Variants in BICC1 observed in about 807,000 individuals in gnomAD.
BICC1 encodes the protein BicC family RNA binding protein 1.
BICC1 carries 43 observed loss-of-function variants against 111.0 expected under a neutral mutation model. The observed-to-expected ratio is 0.39, with a 90% CI of 0.30 to 0.50. The LOEUF (loss-of-function observed/expected upper bound fraction) is 0.50. Ranked by LOEUF, BICC1 falls within the 20% of genes least tolerant of loss-of-function variation. The pLI, the probability that BICC1 is intolerant of heterozygous loss-of-function variation, is 0.88. For missense variants in BICC1, 1,091 were observed against 1,203.2 expected (o/e 0.91, Z 1.38); for synonymous variants, 467 against 434.4 (o/e 1.07, Z -0.93).
chr10:58,775,108 C>G (rs570087915), intron 3 of BICC1, among the ~76,000 whole-genome samples: 2 of 152,164 alleles, frequency 1.3e-5, no homozygotes, highest in Non-Finnish European at 2.9e-5. Context: ...TGCGGTGGCT[C>G]ATGCCTGTAA....
intron 1 of BICC1, among the ~76,000 whole-genome samples, chr10:58,590,846 A>T (rs1027781285): frequency 6.6e-6 from 1 of 152,220 alleles, no homozygotes; most frequent in African/African-American, 2.4e-5. Flanking sequence ...AAGATTGTGC[A>T]GAAGTGTAGA....
chr10:58,744,459 CA>C (rs1564588465), intron 3 of BICC1, among the ~76,000 whole-genome samples: 2 of 151,806 alleles, frequency 1.3e-5, no homozygotes, highest in African/African-American at 4.8e-5. Flanking sequence ...TTCATGCATG[CA>C]TTTTAAAACT....
chr10:58,785,075 A>C lies in BICC1; in HGVS notation c.382A>C (p.Thr128Pro). ...GGAAATGATCATGTCTGTCTTAGACACAAAAGTAAGTGAATGTTAAGGACA... is the reference window on the plus strand; with the variant it reads ...GGAAATGATCATGTCTGTCTTAGACCCAAAAGTAAGTGAATGTTAAGGACA... ...AKEMIMSVLD[T>P]KSNRVTLKMD... The change falls in exon 4 of 21, where the codon ACA (threonine) becomes CCA (proline). Residue 128 changes from threonine to proline, a missense_variant. Physicochemically the swap from Thr to Pro is conservative, Grantham distance 38 (BLOSUM62 -1). Around this residue, in one of 3 missense-constraint regions of BICC1, gnomAD observed 843 missense variants for 900.8 expected, o/e 0.94. Coordinates refer to ENST00000373886, the MANE Select transcript of BICC1 (RefSeq NM_001080512.3). 2 of 1,576,048 alleles carry C rather than the reference A, an allele frequency of 1.3e-6. No individual in the cohort carries two copies. The highest frequency in any genetic ancestry group is 1.7e-6 in the Non-Finnish European group (2 of 1,159,078).
chr10:58,725,524 C>T (rs1437838003), intron 3 of BICC1, among the ~76,000 whole-genome samples: 2 of 152,164 alleles, frequency 1.3e-5, no homozygotes, highest in Non-Finnish European at 2.9e-5. Flanking sequence ...AGAGGAGCAA[C>T]GCGGAACTGT....
At position 58,785,073 on chromosome 10, in the gene BICC1, A is replaced by C. The variant is rs1250757131; in HGVS notation, c.380A>C (p.Asp127Ala). The change falls in exon 4 of 21, where the codon GAC becomes GCC. Residue 127 changes from aspartate to alanine, a missense_variant. This residue lies in a region of BICC1 where 843 missense variants were observed against 900.8 expected (regional missense o/e 0.94). Coordinates refer to ENST00000373886, the MANE Select transcript of BICC1 (RefSeq NM_001080512.3). ...EAKEMIMSVL[D>A]TKSNRVTLKM... ...AAGGAAATGATCATGTCTGTCTTAGACACAAAAGTAAGTGAATGTTAAGGA... is the reference window on the plus strand; with the variant it reads ...AAGGAAATGATCATGTCTGTCTTAGCCACAAAAGTAAGTGAATGTTAAGGA... The C allele has an allele frequency of 6.3e-7, 1 of 1,578,680 alleles. No individual in the cohort carries two copies. The highest frequency in any genetic ancestry group is 8.6e-7 in the Non-Finnish European group (1 of 1,160,808).
In BICC1 at chr10:58,798,558, C is replaced by G; in HGVS notation, c.1526C>G (p.Thr509Arg). The G allele has an allele frequency of 1.2e-6, 2 of 1,603,788 alleles. No individual in the cohort carries two copies. Among genetic ancestry groups the G allele is most frequent in the Non-Finnish European group, 1.7e-6 (2 of 1,176,278 alleles). ...CCACTTGCTAATACTTCAAGTGCCA[C>G]AGGTCAGTATCATTTAAGTATATTC... ...APPLANTSSA[T>R]GFSAIPHLMI... is the part of the protein sequence containing the mutation. The change falls in exon 11 of 21, where the codon ACA becomes AGA. Residue 509 changes from threonine (T) to arginine (R), a missense_variant and splice_region_variant. Around this residue, in one of 3 missense-constraint regions of BICC1, gnomAD observed 843 missense variants for 900.8 expected, o/e 0.94. Transcript: ENST00000373886.
chr10:58,562,908 TTCTG>T (rs1843649317), intron 1 of BICC1, among the ~76,000 whole-genome samples: 1 of 152,162 alleles, frequency 6.6e-6, no homozygotes, highest in Non-Finnish European at 1.5e-5. Flanking sequence ...CTGTGGGTGT[TTCTG>T]TAGGCAGTGG....
intron 2 of BICC1, among the ~76,000 whole-genome samples, chr10:58,651,628 T>C (rs1379662052): frequency 1.3e-5 from 2 of 152,208 alleles, no homozygotes; most frequent in Non-Finnish European, 2.9e-5. Context: ...CAGTTCTTTA[T>C]TTTATGTTTT....
chr10:58,721,528 C>G (rs775269333), intron 3 of BICC1, among the ~76,000 whole-genome samples: 3 of 152,096 alleles, frequency 2.0e-5, no homozygotes, highest in Non-Finnish European at 2.9e-5. Context: ...TGGCAAAATG[C>G]TTTAGAATTC....
chr10:58,819,377 A>G (rs1170137228), intron 19 of BICC1, among the ~76,000 whole-genome samples: 1 of 152,180 alleles, frequency 6.6e-6, no homozygotes, highest in Non-Finnish European at 1.5e-5. Context: ...ATTATCTTCA[A>G]TATCATTTAA....
intron 12 of BICC1, among the ~76,000 whole-genome samples, chr10:58,799,537 G>A (rs1207166247): frequency 6.6e-6 from 1 of 152,082 alleles, no homozygotes; most frequent in Non-Finnish European, 1.5e-5. Flanking sequence ...GTGAAAGGTA[G>A]GGGTCTGGTT....
intron 2 of BICC1, among the ~76,000 whole-genome samples, chr10:58,675,772 C>G (rs1174143831): frequency 6.6e-6 from 1 of 152,108 alleles, no homozygotes; most frequent in Non-Finnish European, 1.5e-5. Context: ...TTTTGTACAC[C>G]TTGAATATAT....
chr10:58,675,207 T>G lies in BICC1; in HGVS notation c.238-26867T>G, dbSNP rs1403037698. Reference sequence around the variant, plus strand: ...GAGAACAAGGATTTGAACACAGATATCTGAGGAGAGCATGGAAATCAAAAG... The same window carrying G: ...GAGAACAAGGATTTGAACACAGATAGCTGAGGAGAGCATGGAAATCAAAAG... On this transcript the variant is annotated intron_variant, in intron 2 of 20. Transcript: ENST00000373886. Among the ~76,000 whole-genome samples, 4 of 152,080 alleles carry G rather than the reference T, an allele frequency of 2.6e-5. No individual in the cohort carries two copies. The East Asian group carries it at 7.7e-4, about 29-fold the overall frequency.
intron 2 of BICC1, among the ~76,000 whole-genome samples, chr10:58,638,315 GTT>G (rs1179872136): frequency 6.6e-6 from 1 of 150,638 alleles, no homozygotes; most frequent in Admixed American, 6.6e-5. Flanking sequence ...TAATTACAGA[GTT>G]AAAAAAAAAG....
chr10:58,715,519 C>T lies in BICC1; in HGVS notation c.307+13376C>T, dbSNP rs967027771. 9 of 1,284,452 alleles carry T rather than the reference C, an allele frequency of 7.0e-6. No individual in the cohort carries two copies. In the African/African-American group the frequency reaches 1.0e-4, roughly 15 times the overall value. 79.6% of individuals were successfully genotyped at this position (1,284,452 alleles called of 1,614,324 possible). A position where few individuals can be genotyped will look rare whatever the true frequency, so the allele number is the denominator to read the frequency against. ...TTCGGCCATCTCTCTGGCCTGGTTTCCCTCGGCGTGCCACTGTGTGCTCAG... is the reference window on the plus strand; with the variant it reads ...TTCGGCCATCTCTCTGGCCTGGTTTTCCTCGGCGTGCCACTGTGTGCTCAG... On this transcript the variant is annotated intron_variant, in intron 3 of 20. Transcript: ENST00000373886.
At chr10:58,584,340 C>A (rs1410956595) in intron 1 of BICC1, among the ~76,000 whole-genome samples, 1 of 152,066 alleles carries the variant, frequency 6.6e-6, no homozygotes, top group Non-Finnish European at 1.5e-5. Flanking sequence ...GTGTTCTGAG[C>A]CCCCTTTTTG....
chr10:58,800,936 C>G lies in BICC1; in HGVS notation c.1905C>G (p.Ser635=), dbSNP rs904257196. The change falls in exon 14 of 21, where the codon TCC becomes TCG. Residue 635 remains serine, a synonymous_variant. Coordinates refer to ENST00000373886, the MANE Select transcript of BICC1 (RefSeq NM_001080512.3). ...FVEVGMPRSP[S]HSGNAGDLKQ... ...AAGTAGGCATGCCTCGAAGTCCTTCCCATTCTGGGAATGCTGGTGACTTGA... is the reference window on the plus strand; with the variant it reads ...AAGTAGGCATGCCTCGAAGTCCTTCGCATTCTGGGAATGCTGGTGACTTGA... 2 of 1,609,666 alleles carry G rather than the reference C, an allele frequency of 1.2e-6. No individual in the cohort carries two copies. Among genetic ancestry groups the G allele is most frequent in the African/African-American group, 2.7e-5 (2 of 74,632 alleles).
intron 3 of BICC1, among the ~76,000 whole-genome samples, chr10:58,725,628 T>G (rs775808556): frequency 1.3e-5 from 2 of 152,230 alleles, no homozygotes; most frequent in Non-Finnish European, 2.9e-5. Flanking sequence ...GGTTTGCTTA[T>G]TTTGCAAACA....
intron 2 of BICC1, among the ~76,000 whole-genome samples, chr10:58,695,234 C>T (rs541943708): frequency 1.8e-4 from 28 of 152,238 alleles, no homozygotes; most frequent in African/African-American, 5.8e-4. Flanking sequence ...AGCTTTTAGA[C>T]GCCGCCTCGA....
Sources: gnomAD v4.1 joint callset for allele counts (sites outside exome capture counted in the v4.1 genomes callset) on GRCh38, gnomAD v4.1.1 for gene constraint, gnomAD v4.1.1 regional missense constraint, MANE v1.5 for transcripts, NCBI Gene and HGNC (gene_info 2026-07-23, HGNC 2026-07-21) for gene names.